The following ARRDC1 variants were observed in gnomAD, a reference collection of about 807,000 sequenced individuals.
ARRDC1 encodes arrestin domain containing 1.
ARRDC1 carries 37 observed loss-of-function variants against 40.1 expected under a neutral mutation model. The ratio of observed to expected loss-of-function variants is 0.92; its 90% CI spans 0.71 to 1.21. The LOEUF is 1.21. ARRDC1 is among the 50% of genes most tolerant of loss of function. The probability of loss-of-function intolerance (pLI) is 0.00; values close to 1 mark genes in which losing one functional copy is unlikely to be tolerated. For synonymous variants in ARRDC1, 310 were observed against 262.5 expected (o/e 1.18, Z -1.75); for missense variants, 641 against 581.9 (o/e 1.10, Z -1.04).
At position 137,614,274 on chromosome 9, in the gene ARRDC1, G is replaced by C. The variant is rs1378863196; in HGVS notation, c.619-25G>C. 3 of 1,579,248 alleles carry C rather than the reference G, an allele frequency of 1.9e-6. No homozygotes were observed. The African/African-American group carries it at 4.0e-5, about 21-fold the overall frequency. ...CTGGGGTGGGCTGGCAGCCTGCGCAGGCTCACAGGCTGGTCCTTCCCCAGA... is the reference window on the plus strand; with the variant it reads ...CTGGGGTGGGCTGGCAGCCTGCGCACGCTCACAGGCTGGTCCTTCCCCAGA... On this transcript the variant is annotated intron_variant, in intron 5 of 7. Transcript: ENST00000371421.
intron 1 of ARRDC1, chr9:137,612,664 C>T: frequency 6.1e-6 from 3 of 490,154 alleles, no homozygotes; most frequent in South Asian, 4.8e-5. Context: ...GATTGCAGGG[C>T]AGACGTCGTT....
intron 1 of ARRDC1, among the ~76,000 whole-genome samples, chr9:137,607,466 G>A (rs1344704221): frequency 6.6e-6 from 1 of 152,224 alleles, no homozygotes; most frequent in Non-Finnish European, 1.5e-5. Flanking sequence ...CGCGGAGGGA[G>A]GCCTGGGAGG....
At chr9:137,609,236 T>C (rs1842472479) in intron 1 of ARRDC1, among the ~76,000 whole-genome samples, 1 of 151,958 alleles carries the variant, frequency 6.6e-6, no homozygotes, top group Non-Finnish European at 1.5e-5. Flanking sequence ...TTGAGACATT[T>C]ATTTATTTAT....
chr9:137,614,064 C>T lies in ARRDC1; in HGVS notation c.468C>T (p.Phe156=), dbSNP rs779310909. 9.9e-6 allele frequency: 16 copies of T among 1,613,744 alleles called. No individual in the cohort carries two copies. Among genetic ancestry groups the T allele is most frequent in the Non-Finnish European group, 1.3e-5 (15 of 1,179,914 alleles). The change falls in exon 5 of 8, where the codon TTC becomes TTT. Residue 156 remains phenylalanine, a synonymous_variant. Transcript: ENST00000371421. The part of the protein sequence containing the change: ...QPNVASATKK[F]SYKLVKTGSV... ...ACGTGGCCTCTGCCACCAAGAAGTT[C>T]TCCTACAAGCTGGTGAAGACGGGCA...
In ARRDC1 at chr9:137,614,799, C is replaced by T. The variant is rs1279973337; in HGVS notation, c.1036C>T (p.Leu346=). Reference sequence around the variant, plus strand: ...GAGCCATTCGCAGCGGCAGCCCCTGCTGGCCACCTTGAGTTCTGTGCCTGG... The same window carrying T: ...GAGCCATTCGCAGCGGCAGCCCCTGTTGGCCACCTTGAGTTCTGTGCCTGG... ...TKSHSQRQPL[L]ATLSSVPGAP... is the part of the protein sequence containing the mutation. The change falls in exon 7 of 8, where the codon CTG becomes TTG. Residue 346 remains leucine (L), a synonymous_variant. Transcript: ENST00000371421. 1.9e-6 allele frequency: 3 copies of T among 1,612,632 alleles called. No individual in the cohort carries two copies. The highest frequency in any genetic ancestry group is 1.7e-5 in the Admixed American group (1 of 59,930).
At position 137,613,512 on chromosome 9, in the gene ARRDC1, T is replaced by C. The variant is rs768579717; in HGVS notation, c.280+2T>C. ...TCCCCTTCCAGTTCCTGCTTCCTGG[T>C]GAGAGCCCAGCCTGGACAGGCCTGG... On this transcript the variant is annotated splice_donor_variant, in intron 3 of 7. Coordinates refer to ENST00000371421, the MANE Select transcript of ARRDC1 (RefSeq NM_152285.4). LOFTEE classifies it high-confidence loss of function. 6.2e-7 allele frequency: 1 copy of C among 1,613,784 alleles called. No individual in the cohort carries two copies. The highest frequency in any genetic ancestry group is 8.5e-7 in the Non-Finnish European group (1 of 1,179,956).
Position 137,613,691 on chromosome 9 carries a change from G to GT in ARRDC1, c.361dup (p.Ser121PhefsTer25). The GT allele has an allele frequency of 2.5e-6, 4 of 1,614,204 alleles. No homozygotes were observed. Among genetic ancestry groups the GT allele is most frequent in the Non-Finnish European group, 3.4e-6 (4 of 1,180,048 alleles). ...TGAGGGCCGCCATCCACACGCCACG[G>GT]TTTTCCAAGGATCACAAGTGCAGCC... is the stretch of plus-strand genomic sequence containing the variant. On this transcript the variant is annotated frameshift_variant, in exon 4 of 8. Coordinates refer to ENST00000371421, the MANE Select transcript of ARRDC1 (RefSeq NM_152285.4). LOFTEE classifies it high-confidence loss of function.
At position 137,614,754 on chromosome 9, in the gene ARRDC1, C is replaced by T. The variant is rs1431403202; in HGVS notation, c.991C>T (p.Pro331Ser). Residue 331 changes from proline (P) to serine (S), a missense_variant, in exon 7 of 8, where the codon CCC becomes TCC. Pro to Ser is a moderately conservative substitution (Grantham distance 74). Coordinates refer to ENST00000371421, the MANE Select transcript of ARRDC1 (RefSeq NM_152285.4). ...AAAGGPHFLD[P>S]VFLSTKSHSQ... ...GGCTGGCGGCCCCCACTTCTTGGAC[C>T]CCGTCTTCCTCTCCACCAAGAGCCA... 1.9e-6 allele frequency: 3 copies of T among 1,609,468 alleles called. No individual in the cohort carries two copies. The highest frequency in any genetic ancestry group is 2.5e-6 in the Non-Finnish European group (3 of 1,177,938).
chr9:137,614,197 G>A lies in ARRDC1; in HGVS notation c.601G>A (p.Val201Met), dbSNP rs749270029. 1.2e-6 allele frequency: 2 copies of A among 1,601,202 alleles called. No homozygotes were observed. Among genetic ancestry groups the A allele is most frequent in the African/African-American group, 2.7e-5 (2 of 74,766 alleles). Residue 201 changes from valine to methionine, a missense_variant, in exon 5 of 8, where the codon GTG becomes ATG. By Grantham distance (21) the Val-to-Met change is conservative. Transcript: ENST00000371421. ...GTCAGGCAAGGACACCAGCCCTGTG[G>A]TGGCCAGTCTGCTGCAGGTCAGAGC... The part of the protein sequence containing the change: ...NQSGKDTSPV[V>M]ASLLQKVSYK...
Position 137,605,774 on chromosome 9 carries a change from C to A in ARRDC1, c.57C>A (p.Ser19Arg), listed in dbSNP as rs1166942678. 8.1e-6 allele frequency: 11 copies of A among 1,349,918 alleles called. No individual in the cohort carries two copies. In the South Asian group the frequency reaches 1.2e-4, roughly 15 times the overall value. 83.6% of individuals were successfully genotyped at this position (1,349,918 alleles called of 1,614,324 possible). The part of the protein sequence containing the change: ...ISLSHGRVVY[S>R]PGEPLAGTVR... ...TGAGCCACGGCCGCGTCGTCTACAG[C>A]CCCGGGGAGCCGTTGGCTGGGACCG... The change falls in exon 1 of 8, where the codon AGC becomes AGA. Residue 19 changes from serine (S) to arginine (R), a missense_variant. By Grantham distance (110) the Ser-to-Arg change is moderately radical. Coordinates refer to ENST00000371421, the MANE Select transcript of ARRDC1 (RefSeq NM_152285.4).
In ARRDC1 at chr9:137,614,896, C is replaced by T. The variant is rs373166866; in HGVS notation, c.1133C>T (p.Thr378Ile). The change falls in exon 7 of 8, where the codon ACA becomes ATA. Residue 378 changes from threonine (T) to isoleucine (I), a missense_variant. Thr to Ile is a moderately conservative substitution (Grantham distance 89). Transcript: ENST00000371421. ...CTGCACCCTCCCTTGTGCATTTCAA[C>T]AGGTGCCACTGTCCCCTACTTTGCA... ...HPLHPPLCIS[T>I]GATVPYFAEG... 9.2e-5 allele frequency: 149 copies of T among 1,613,736 alleles called. No homozygotes were observed. The highest frequency in any genetic ancestry group is 1.2e-4 in the Non-Finnish European group (140 of 1,180,024).
chr9:137,608,254 TA>T (rs1842457645), intron 1 of ARRDC1, among the ~76,000 whole-genome samples: 1 of 152,202 alleles, frequency 6.6e-6, no homozygotes, highest in South Asian at 2.1e-4. Context: ...GTGCTGGGAT[TA>T]CAGGCGTGAG....
intron 4 of ARRDC1, 52 bp downstream of exon 4, chr9:137,613,821 G>A: frequency 1.2e-6 from 2 of 1,603,502 alleles, no homozygotes; most frequent in Non-Finnish European, 1.7e-6. Flanking sequence ...CATGGAGGCT[G>A]GGGAAGAGCT....
chr9:137,614,118 C>T lies in ARRDC1; in HGVS notation c.522C>T (p.Leu174=), dbSNP rs768451720. ...GSVVLTASTD[L]RGYVVGQALQ... is the part of the protein sequence containing the mutation. ...TGGTCCTCACAGCCAGCACTGATCT[C>T]CGCGGCTATGTGGTGGGGCAGGCAC... The change falls in exon 5 of 8, where the codon CTC becomes CTT. Residue 174 remains leucine (L), a synonymous_variant. Coordinates refer to ENST00000371421, the MANE Select transcript of ARRDC1 (RefSeq NM_152285.4). 19 of 1,613,616 alleles carry T rather than the reference C, an allele frequency of 1.2e-5. No individual in the cohort carries two copies. Among genetic ancestry groups the T allele is most frequent in the Non-Finnish European group, 1.5e-5 (18 of 1,179,926 alleles).
chr9:137,608,646 A>G (rs989039380), intron 1 of ARRDC1, among the ~76,000 whole-genome samples: 1 of 152,260 alleles, frequency 6.6e-6, no homozygotes, highest in African/African-American at 2.4e-5. Context: ...AAAGGCAGAA[A>G]CATGGCCGCT....
rs768817603 is a variant in ARRDC1 at position 137,614,413 on chromosome 9, C to G, written c.733C>G (p.Pro245Ala). Residue 245 changes from proline to alanine, a missense_variant, in exon 6 of 8, where the codon CCT becomes GCT. Transcript: ENST00000371421. ...GCAGTGGCACGAGCAGATCCTGGTG[C>G]CTGCCTTGCCCCAGTCGGCCCTGCC... ...RAQWHEQILV[P>A]ALPQSALPGC... 3 of 1,613,252 alleles carry G rather than the reference C, an allele frequency of 1.9e-6. No homozygotes were observed. The highest frequency in any genetic ancestry group is 1.7e-6 in the Non-Finnish European group (2 of 1,179,938).
intron 2 of ARRDC1, 69 bp downstream of exon 2, chr9:137,613,075 C>G: frequency 8.6e-7 from 1 of 1,163,800 alleles, no homozygotes; most frequent in Non-Finnish European, 1.3e-6. Flanking sequence ...CCTGTCTGTC[C>G]TGTCCTCCCC....
In ARRDC1 at chr9:137,614,947, C is replaced by T. The variant is rs756136351; in HGVS notation, c.1184C>T (p.Thr395Ile). 3.7e-6 allele frequency: 6 copies of T among 1,613,934 alleles called. No individual in the cohort carries two copies. The highest frequency in any genetic ancestry group is 4.2e-6 in the Non-Finnish European group (5 of 1,179,986). The change falls in exon 7 of 8, where the codon ACT becomes ATT. Residue 395 changes from threonine (T) to isoleucine (I), a missense_variant. By Grantham distance (89) the Thr-to-Ile change is moderately conservative. Transcript: ENST00000371421. Reference protein sequence around the residue: ...FAEGSGGPVPTTSTLILPPEY... With the variant: ...FAEGSGGPVPITSTLILPPEY... ...GAGGGCTCCGGGGGGCCAGTGCCCA[C>T]TACCAGCACCTTGATTCTTCCTCCA...
At position 137,615,172 on chromosome 9, in the gene ARRDC1, C is replaced by T. The variant is rs376611695; in HGVS notation, c.*34C>T. On this transcript the variant is annotated 3_prime_UTR_variant, in exon 8 of 8. Coordinates refer to ENST00000371421, the MANE Select transcript of ARRDC1 (RefSeq NM_152285.4). ...TGCCTTCTCCAGGCAGGCCTGGCCT[C>T]TGCCCTGGGACTGGGGCGCCCAGGG... The T allele has an allele frequency of 2.0e-6, 3 of 1,501,606 alleles. No individual in the cohort carries two copies. The African/African-American group carries it at 4.2e-5, about 21-fold the overall frequency. 93.0% of individuals were successfully genotyped at this position (1,501,606 alleles called of 1,614,324 possible). A position where few individuals can be genotyped will look rare whatever the true frequency, so the allele number is the denominator to read the frequency against.
Sources: allele counts gnomAD v4.1 joint callset (sites outside exome capture counted in the v4.1 genomes callset), GRCh38; gene constraint gnomAD v4.1.1; transcripts MANE v1.5; gene names NCBI Gene and HGNC (gene_info 2026-07-23, HGNC 2026-07-21).